The following KCNJ6 variants were observed in gnomAD, a reference collection of about 807,000 sequenced individuals.
The protein encoded by KCNJ6 is potassium inwardly rectifying channel subfamily J member 6.
KCNJ6 carries 9 observed loss-of-function variants against 34.2 expected under a neutral mutation model. The ratio of observed to expected loss-of-function variants is 0.26; its 90% CI spans 0.16 to 0.46. KCNJ6 has a LOEUF of 0.46. Ranked by LOEUF, KCNJ6 falls within the 20% of genes least tolerant of loss-of-function variation. The probability of loss-of-function intolerance (pLI) is 1.00; values close to 1 mark genes in which losing one functional copy is unlikely to be tolerated. For missense variants in KCNJ6, 236 were observed against 531.3 expected (o/e 0.44, Z 5.46); for synonymous variants, 196 against 207.1 (o/e 0.95, Z 0.46).
intron 3 of KCNJ6, among the ~76,000 whole-genome samples, chr21:37,630,158 G>GTGTGTGTGTGTGT (rs1556010880): frequency 8.2e-5 from 12 of 145,808 alleles, no homozygotes; most frequent in East Asian, 4.1e-4. Context: ...GTGTGTGTGT[G>GTGTGTGTGTGTGT]GTGTTTATGT....
At position 37,618,132 on chromosome 21, in the gene KCNJ6, G is replaced by A. The variant is rs1439051246; in HGVS notation, c.*7027C>T. On this transcript the variant is annotated 3_prime_UTR_variant, in exon 4 of 4. Transcript: ENST00000609713. The stretch of plus-strand genomic sequence containing the variant: ...AGCAATGCTGAGAGATGATGTCAGG[G>A]CGATGCCCGTGATGGCCGGATCTGA... 6.6e-6 allele frequency: 1 copy of A among 152,282 alleles called. No individual in the cohort carries two copies. Among genetic ancestry groups the A allele is most frequent in the African/African-American group, 2.4e-5 (1 of 41,448 alleles). The allele number at this position is 152,282 out of a possible 1,614,324, so 9.4% of individuals were successfully genotyped here. A position where few individuals can be genotyped will look rare whatever the true frequency, so the allele number is the denominator to read the frequency against.
intron 2 of KCNJ6, among the ~76,000 whole-genome samples, chr21:37,796,324 T>G (rs1261497492): frequency 6.6e-6 from 1 of 152,156 alleles, no homozygotes; most frequent in Non-Finnish European, 1.5e-5. Context: ...GATATTAAAA[T>G]AAATGACTCC....
At chr21:37,867,537 C>T (rs1042627247) in intron 1 of KCNJ6, among the ~76,000 whole-genome samples, 2 of 152,148 alleles carry the variant, frequency 1.3e-5, no homozygotes, top group Non-Finnish European at 2.9e-5. Context: ...CCATCTCTGC[C>T]TCATCTTTAT....
chr21:37,665,267 A>G (rs973494719), intron 3 of KCNJ6, among the ~76,000 whole-genome samples: 1 of 152,180 alleles, frequency 6.6e-6, no homozygotes, highest in Non-Finnish European at 1.5e-5. Flanking sequence ...AGTAACTATT[A>G]TTATCATTAT....
chr21:37,683,336 C>G (rs571670829), intron 3 of KCNJ6, among the ~76,000 whole-genome samples: 33 of 152,262 alleles, frequency 2.2e-4, no homozygotes, highest in African/African-American at 7.2e-4. Flanking sequence ...AAGAAGCCCC[C>G]CTTTCTGGAG....
At chr21:37,683,929 T>C (rs1427745436) in intron 3 of KCNJ6, among the ~76,000 whole-genome samples, 2 of 152,190 alleles carry the variant, frequency 1.3e-5, no homozygotes, top group African/African-American at 2.4e-5. Flanking sequence ...ATCTTTCTGA[T>C]GGTCTGAGAG....
At chr21:37,834,944 G>A (rs537747850) in intron 2 of KCNJ6, among the ~76,000 whole-genome samples, 46 of 152,332 alleles carry the variant, frequency 3.0e-4, no homozygotes, top group African/African-American at 9.6e-4. Flanking sequence ...GAAATGATGA[G>A]TACCTCTTCT....
intron 1 of KCNJ6, among the ~76,000 whole-genome samples, chr21:37,888,906 C>T (rs968445511): frequency 6.6e-6 from 1 of 152,184 alleles, no homozygotes; most frequent in Non-Finnish European, 1.5e-5. Flanking sequence ...AGACTGAGGT[C>T]ATCAAGGTAT....
intron 1 of KCNJ6, among the ~76,000 whole-genome samples, chr21:37,856,307 C>A (rs1048945468): frequency 3.9e-5 from 6 of 152,196 alleles, no homozygotes; most frequent in Non-Finnish European, 8.8e-5. Context: ...AGGCAGCAAC[C>A]AGCTTAAACA....
intron 1 of KCNJ6, among the ~76,000 whole-genome samples, chr21:37,909,115 C>CCAT (rs202039347): frequency 1.0e-3 from 155 of 152,300 alleles, no homozygotes; most frequent in African/African-American, 3.6e-3. Flanking sequence ...ATCTTAGAAG[C>CCAT]CATGTACTAA....
chr21:37,742,590 T>C (rs570865955), intron 2 of KCNJ6, among the ~76,000 whole-genome samples: 3 of 152,350 alleles, frequency 2.0e-5, no homozygotes, highest in South Asian at 4.1e-4. Flanking sequence ...CAGAGATCTC[T>C]CTGTGCATTG....
intron 2 of KCNJ6, among the ~76,000 whole-genome samples, chr21:37,815,598 T>C (rs936200903): frequency 7.2e-5 from 11 of 152,100 alleles, no homozygotes; most frequent in African/African-American, 2.2e-4. Flanking sequence ...TCCACGGAAG[T>C]CCTGAAAACT....
chr21:37,667,154 T>TAAAAA (rs55953891), intron 3 of KCNJ6, among the ~76,000 whole-genome samples: 11 of 39,094 alleles, frequency 2.8e-4, no homozygotes, highest in African/African-American at 1.1e-3. Flanking sequence ...CAATAAATAC[T>TAAAAA]AAAAAAAAAA....
chr21:37,666,519 T>C (rs911715222), intron 3 of KCNJ6, among the ~76,000 whole-genome samples: 7 of 152,112 alleles, frequency 4.6e-5, no homozygotes, highest in Non-Finnish European at 1.0e-4. Flanking sequence ...TCGTTCATTG[T>C]TTTCCCTTTA....
At chr21:37,756,675 C>T (rs1262157521) in intron 2 of KCNJ6, among the ~76,000 whole-genome samples, 1 of 147,990 alleles carries the variant, frequency 6.8e-6, no homozygotes, top group African/African-American at 2.6e-5. Flanking sequence ...CTGGAGTGAG[C>T]ACTCCCTCAC....
At chr21:37,859,910 T>C (rs2055586311) in intron 1 of KCNJ6, among the ~76,000 whole-genome samples, 1 of 152,176 alleles carries the variant, frequency 6.6e-6, no homozygotes, top group Non-Finnish European at 1.5e-5. Flanking sequence ...GAATGGCTTC[T>C]TAGCGTATCT....
chr21:37,839,852 A>G (rs2055470252), intron 2 of KCNJ6, among the ~76,000 whole-genome samples: 1 of 152,172 alleles, frequency 6.6e-6, no homozygotes, highest in South Asian at 2.1e-4. Context: ...TGCCCAGACT[A>G]GAGTACACTT....
At chr21:37,700,681 G>A (rs858003) in intron 3 of KCNJ6, among the ~76,000 whole-genome samples, 24,194 of 152,098 alleles carry the variant, frequency 0.16, 2,443 homozygotes, top group East Asian at 0.37. Flanking sequence ...AGGAAAGGAT[G>A]TTTGGGTACT....
intron 1 of KCNJ6, among the ~76,000 whole-genome samples, chr21:37,882,896 C>T (rs867288688): frequency 1.2e-3 from 180 of 152,230 alleles, no homozygotes; most frequent in African/African-American, 4.1e-3. Flanking sequence ...CTTGTGTGTG[C>T]GTGAGTGTGT....
Sources: gnomAD v4.1 joint callset for allele counts (sites outside exome capture counted in the v4.1 genomes callset) on GRCh38, gnomAD v4.1.1 for gene constraint, MANE v1.5 for transcripts, NCBI Gene and HGNC (gene_info 2026-07-23, HGNC 2026-07-21) for gene names.